The following PTPRT variants were observed in gnomAD, a reference collection of about 807,000 sequenced individuals.
PTPRT encodes receptor-type tyrosine-protein phosphatase T.
Under a neutral mutation model 176.8 loss-of-function variants are expected in PTPRT, and 56 were observed. The ratio of observed to expected loss-of-function variants is 0.32; its 90% confidence interval spans 0.26 to 0.40. The LOEUF is 0.40. PTPRT is among the 10% of genes least tolerant of loss of function. The pLI is 1.00. For missense variants in PTPRT, 1,540 were observed against 1,908.2 expected (o/e 0.81, Z 3.60); for synonymous variants, 783 against 739.0 (o/e 1.06, Z -0.96).
chr20:43,153,432 T>C (rs868710141), intron 1 of PTPRT, among the ~76,000 whole-genome samples: 17 of 152,212 alleles, frequency 1.1e-4, no homozygotes, highest in African/African-American at 4.1e-4. Flanking sequence ...AAATGAATTG[T>C]TCTTATGTTT....
intron 2 of PTPRT, among the ~76,000 whole-genome samples, chr20:42,859,590 T>A (rs1432007988): frequency 1.3e-5 from 2 of 148,490 alleles, no homozygotes; most frequent in South Asian, 4.3e-4. Context: ...TTTTTAATTT[T>A]TTTTTTTTTT....
intron 7 of PTPRT, among the ~76,000 whole-genome samples, chr20:42,535,296 G>C (rs2072456817): frequency 6.6e-6 from 1 of 152,160 alleles, no homozygotes; most frequent in Non-Finnish European, 1.5e-5. Context: ...CACAAAGAAA[G>C]GAACAGCAGA....
At chr20:42,746,294 T>C (rs977018656) in intron 6 of PTPRT, among the ~76,000 whole-genome samples, 5 of 152,316 alleles carry the variant, frequency 3.3e-5, no homozygotes, top group African/African-American at 9.6e-5. Flanking sequence ...TTCCCACTTT[T>C]CTCCCATCTG....
In PTPRT at chr20:42,544,355, T is replaced by C. The variant is rs572706162; in HGVS notation, c.1154-71793A>G. Among the ~76,000 whole-genome samples, 145 of 152,340 alleles carry C rather than the reference T, an allele frequency of 9.5e-4. 3 individuals are homozygous for C. In the South Asian group the frequency reaches 0.027, roughly 28 times the overall value. On this transcript the variant is annotated intron_variant, in intron 7 of 30. Coordinates refer to ENST00000373187, the MANE Select transcript of PTPRT (RefSeq NM_007050.6). ...AGAAAACTTATTTCCTTAAACCTGA[T>C]GAGCCAAGCTCTGCTGGCTCTAAAA...
intron 1 of PTPRT, among the ~76,000 whole-genome samples, chr20:42,892,487 TAA>T (rs76007946): frequency 1.1e-4 from 15 of 131,856 alleles, no homozygotes; most frequent in Non-Finnish European, 8.3e-5. Context: ...TGGAGCTAAG[TAA>T]AAAAAAAAAA....
chr20:42,688,837 A>G (rs1242909255), intron 6 of PTPRT, among the ~76,000 whole-genome samples: 1 of 152,134 alleles, frequency 6.6e-6, no homozygotes, highest in Non-Finnish European at 1.5e-5. Flanking sequence ...TGCCTAACTA[A>G]CAAGTAATGA....
At chr20:42,206,834 G>C (rs1225938320) in intron 15 of PTPRT, among the ~76,000 whole-genome samples, 1 of 152,214 alleles carries the variant, frequency 6.6e-6, no homozygotes, top group South Asian at 2.1e-4. Context: ...CCACCTCTGG[G>C]GGCAGGGCAC....
At chr20:42,914,269 C>T (rs1324571407) in intron 1 of PTPRT, among the ~76,000 whole-genome samples, 1 of 152,146 alleles carries the variant, frequency 6.6e-6, no homozygotes, top group East Asian at 1.9e-4. Flanking sequence ...AGTTCCCACC[C>T]TACTCATGTC....
At chr20:43,056,312 AC>A (rs1259153663) in intron 1 of PTPRT, among the ~76,000 whole-genome samples, 1 of 152,094 alleles carries the variant, frequency 6.6e-6, no homozygotes. Context: ...TCATCCCACT[AC>A]CTTGCAGCTG....
intron 9 of PTPRT, among the ~76,000 whole-genome samples, chr20:42,430,239 G>A (rs539794837): frequency 3.6e-4 from 55 of 152,304 alleles, no homozygotes; most frequent in Non-Finnish European, 5.1e-4. Flanking sequence ...AAATCCTGAC[G>A]TAGCAAGAGC....
intron 1 of PTPRT, among the ~76,000 whole-genome samples, chr20:42,928,695 G>T (rs1979642657): frequency 6.6e-6 from 1 of 152,168 alleles, no homozygotes; most frequent in Non-Finnish European, 1.5e-5. Flanking sequence ...TGACAGCCCT[G>T]CTGTGACAAT....
chr20:43,005,619 T>C (rs1473809180), intron 1 of PTPRT, among the ~76,000 whole-genome samples: 7 of 152,222 alleles, frequency 4.6e-5, no homozygotes, highest in African/African-American at 1.7e-4. Flanking sequence ...ACTGTGTGTC[T>C]CCTTCACTGC....
At chr20:42,803,194 C>T (rs2077555654) in intron 2 of PTPRT, among the ~76,000 whole-genome samples, 1 of 152,236 alleles carries the variant, frequency 6.6e-6, no homozygotes, top group South Asian at 2.1e-4. Flanking sequence ...AGGAACATCT[C>T]TCTTTGCCAG....
intron 7 of PTPRT, among the ~76,000 whole-genome samples, chr20:42,627,076 C>T (rs1033141771): frequency 5.3e-5 from 8 of 152,166 alleles, no homozygotes; most frequent in Non-Finnish European, 1.2e-4. Context: ...CTGCTGAAAG[C>T]AATGCCCGGG....
intron 12 of PTPRT, among the ~76,000 whole-genome samples, chr20:42,311,281 C>A (rs2057624276): frequency 6.6e-6 from 1 of 152,088 alleles, no homozygotes; most frequent in South Asian, 2.1e-4. Context: ...TCCATCATAT[C>A]TAATTATTTT....
chr20:42,909,916 T>C (rs554754518), intron 1 of PTPRT, among the ~76,000 whole-genome samples: 1 of 152,250 alleles, frequency 6.6e-6, no homozygotes, highest in Non-Finnish European at 1.5e-5. Flanking sequence ...TTTCCTAGTT[T>C]GTTAAAATTT....
intron 11 of PTPRT, among the ~76,000 whole-genome samples, chr20:42,323,008 A>G (rs2057823940): frequency 6.6e-6 from 1 of 152,046 alleles, no homozygotes; most frequent in Non-Finnish European, 1.5e-5. Flanking sequence ...CACATGAAAA[A>G]ATGCTCACCA....
intron 15 of PTPRT, among the ~76,000 whole-genome samples, chr20:42,229,060 G>T (rs996206742): frequency 6.6e-6 from 1 of 152,168 alleles, no homozygotes; most frequent in Admixed American, 6.5e-5. Context: ...CACACAAGGG[G>T]GATAGGAAGA....
intron 17 of PTPRT, among the ~76,000 whole-genome samples, chr20:42,155,535 T>A (rs946239086): frequency 2.0e-5 from 3 of 152,176 alleles, no homozygotes; most frequent in Non-Finnish European, 2.9e-5. Flanking sequence ...ACTGCATAAA[T>A]GTGGAAATGG....
Sources: gnomAD v4.1 joint callset for allele counts (sites outside exome capture counted in the v4.1 genomes callset) on GRCh38, gnomAD v4.1.1 for gene constraint, MANE v1.5 for transcripts, NCBI Gene and HGNC (gene_info 2026-07-23, HGNC 2026-07-21) for gene names.